SMYD3: variants seen among roughly 807,000 people sequenced by gnomAD.
SMYD3 encodes the protein histone-lysine N-methyltransferase SMYD3.
Under a neutral mutation model 57.7 loss-of-function variants are expected in SMYD3, and 36 were observed. That is an observed-to-expected ratio of 0.62 (90% CI 0.48 to 0.82). The LOEUF (loss-of-function observed/expected upper bound fraction) is 0.82. Among genes scored for constraint, SMYD3 ranks in the 40% least tolerant of loss-of-function variants. SMYD3 has a pLI of 0.00. For synonymous variants in SMYD3, 211 were observed against 195.0 expected, an observed-to-expected ratio of 1.08 and a Z score of -0.68; for missense variants, 515 against 538.8, an observed-to-expected ratio of 0.96 and a Z score of 0.44.
At chr1:246,443,403 C>G (rs2067500244) in intron 1 of SMYD3, among the ~76,000 whole-genome samples, 1 of 152,216 alleles carries the variant, frequency 6.6e-6, no homozygotes, top group South Asian at 2.1e-4. Flanking sequence ...CAAAAGGCAA[C>G]AGTCTCCTAT....
intron 5 of SMYD3, among the ~76,000 whole-genome samples, chr1:246,048,748 G>A (rs1180428263): frequency 6.6e-6 from 1 of 151,400 alleles, no homozygotes; most frequent in Non-Finnish European, 1.5e-5. Flanking sequence ...CAAGGTTATT[G>A]TAAGGCTCAA....
chr1:246,107,595 A>G (rs2061153926), intron 5 of SMYD3, among the ~76,000 whole-genome samples: 1 of 151,852 alleles, frequency 6.6e-6, no homozygotes, highest in Non-Finnish European at 1.5e-5. Flanking sequence ...TGGGGAAATT[A>G]GCTCATTCAA....
At chr1:246,461,341 G>T (rs1187776974) in intron 1 of SMYD3, among the ~76,000 whole-genome samples, 1 of 151,994 alleles carries the variant, frequency 6.6e-6, no homozygotes, top group South Asian at 2.1e-4. Flanking sequence ...GTAGCTCCAG[G>T]TATTATGCAG....
chr1:245,867,306 C>T (rs2051910127), intron 8 of SMYD3, among the ~76,000 whole-genome samples: 1 of 152,172 alleles, frequency 6.6e-6, no homozygotes, highest in Admixed American at 6.5e-5. Context: ...TGATTTTGGC[C>T]TTCTGAGACT....
intron 5 of SMYD3, among the ~76,000 whole-genome samples, chr1:246,303,409 C>T (rs1447909595): frequency 2.0e-5 from 3 of 152,178 alleles, no homozygotes; most frequent in Non-Finnish European, 2.9e-5. Context: ...TCCACAGGTG[C>T]TCAAGTCCCT....
intron 5 of SMYD3, among the ~76,000 whole-genome samples, chr1:246,132,170 T>C (rs890922248): frequency 2.6e-5 from 4 of 152,058 alleles, no homozygotes; most frequent in African/African-American, 4.8e-5. Context: ...TTGGGAGAAG[T>C]AGTGTATATA....
At chr1:246,234,837 T>C (rs1037057729) in intron 5 of SMYD3, among the ~76,000 whole-genome samples, 1 of 152,154 alleles carries the variant, frequency 6.6e-6, no homozygotes, top group Non-Finnish European at 1.5e-5. Flanking sequence ...TAGAATTATA[T>C]ATTATATTTA....
intron 5 of SMYD3, among the ~76,000 whole-genome samples, chr1:246,027,899 T>C (rs754576293): frequency 2.0e-5 from 3 of 152,246 alleles, no homozygotes; most frequent in Non-Finnish European, 4.4e-5. Context: ...AAGGATTCAC[T>C]ATTCCAGACA....
intron 8 of SMYD3, among the ~76,000 whole-genome samples, chr1:245,882,341 T>A (rs1264195976): frequency 6.6e-6 from 1 of 152,192 alleles, no homozygotes; most frequent in East Asian, 1.9e-4. Flanking sequence ...CTAAACCTTC[T>A]TCTGGTTTTC....
chr1:245,906,567 A>G (rs1372697648), intron 8 of SMYD3, among the ~76,000 whole-genome samples: 3 of 152,186 alleles, frequency 2.0e-5, no homozygotes, highest in Non-Finnish European at 4.4e-5. Context: ...TACAACCACT[A>G]TGGAGAACTG....
At chr1:245,864,099 A>C (rs567464647) in intron 8 of SMYD3, among the ~76,000 whole-genome samples, 1 of 152,328 alleles carries the variant, frequency 6.6e-6, no homozygotes, top group Non-Finnish European at 1.5e-5. Flanking sequence ...GGATAACAGC[A>C]AAGGTTAGTG....
At chr1:246,232,201 G>A (rs115206955) in intron 5 of SMYD3, among the ~76,000 whole-genome samples, 6,753 of 152,220 alleles carry the variant, frequency 0.044, 235 homozygotes, top group African/African-American at 0.086. Flanking sequence ...GTTAATGAAT[G>A]AAATGGATCA....
chr1:246,347,450 G>T (rs748130445), intron 2 of SMYD3, among the ~76,000 whole-genome samples: 8 of 152,194 alleles, frequency 5.3e-5, no homozygotes, highest in Non-Finnish European at 1.2e-4. Context: ...TATAGCTAAA[G>T]ATAAGTATAT....
chr1:245,993,663 CAGAT>C (rs1414617467), intron 5 of SMYD3, among the ~76,000 whole-genome samples: 194 of 123,608 alleles, frequency 1.6e-3, no homozygotes, highest in African/African-American at 6.1e-3. Context: ...GACAGACAGA[CAGAT>C]ATAGATTCCA....
At chr1:246,244,384 G>GAA (rs150654422) in intron 5 of SMYD3, among the ~76,000 whole-genome samples, 13 of 149,462 alleles carry the variant, frequency 8.7e-5, no homozygotes, top group Non-Finnish European at 1.0e-4. Flanking sequence ...TGTGAGTGTG[G>GAA]AAAAAAAAAA....
chr1:246,142,606 A>G (rs2061774963), intron 5 of SMYD3, among the ~76,000 whole-genome samples: 1 of 152,174 alleles, frequency 6.6e-6, no homozygotes, highest in South Asian at 2.1e-4. Context: ...AGAATGATTC[A>G]TGTCCCGGGG....
intron 5 of SMYD3, among the ~76,000 whole-genome samples, chr1:246,245,674 G>A (rs1396677772): frequency 1.3e-5 from 2 of 152,052 alleles, no homozygotes; most frequent in Non-Finnish European, 2.9e-5. Flanking sequence ...GAAAATATCT[G>A]AAAAATGTTG....
intron 5 of SMYD3, among the ~76,000 whole-genome samples, chr1:246,281,309 T>G (rs778471173): frequency 6.6e-6 from 1 of 152,194 alleles, no homozygotes; most frequent in South Asian, 2.1e-4. Flanking sequence ...CTTTGTGAAC[T>G]CACTGTGCTT....
At chr1:246,130,699 T>C (rs1279246178) in intron 5 of SMYD3, among the ~76,000 whole-genome samples, 1 of 152,234 alleles carries the variant, frequency 6.6e-6, no homozygotes, top group Non-Finnish European at 1.5e-5. Flanking sequence ...CAGACAGTTC[T>C]GACCTTTTTG....
Sources: allele counts gnomAD v4.1 joint callset (sites outside exome capture counted in the v4.1 genomes callset), GRCh38; gene constraint gnomAD v4.1.1; transcripts MANE v1.5; gene names NCBI Gene and HGNC (gene_info 2026-07-23, HGNC 2026-07-21).